Variants in LRRC4C observed in about 807,000 individuals in gnomAD.
The protein encoded by LRRC4C is leucine rich repeat containing 4C, also known as leucine-rich repeat-containing protein 4C.
A neutral mutation model predicts 33.6 loss-of-function variants in LRRC4C; 5 were observed. The ratio of observed to expected loss-of-function variants is 0.15; its 90% CI spans 0.08 to 0.31. LRRC4C has a LOEUF of 0.31. Among genes scored for constraint, LRRC4C ranks in the 10% least tolerant of loss-of-function variants. The pLI is 1.00. For missense variants in LRRC4C, 560 were observed against 796.7 expected (o/e 0.70, Z 3.58); for synonymous variants, 329 against 302.0 (o/e 1.09, Z -0.93).
At chr11:40,491,431 G>T (rs923186362) in intron 3 of LRRC4C, among the ~76,000 whole-genome samples, 1 of 152,158 alleles carries the variant, frequency 6.6e-6, no homozygotes, top group Non-Finnish European at 1.5e-5. Context: ...ACCTTAGTCT[G>T]CTCAGGCACT....
chr11:40,767,606 A>G (rs1432880084), intron 2 of LRRC4C, among the ~76,000 whole-genome samples: 2 of 152,132 alleles, frequency 1.3e-5, no homozygotes, highest in African/African-American at 2.4e-5. Flanking sequence ...TCAGAAAAAA[A>G]TGAAATCATA....
intron 2 of LRRC4C, among the ~76,000 whole-genome samples, chr11:40,706,123 G>A (rs971415887): frequency 6.6e-6 from 1 of 151,984 alleles, no homozygotes; most frequent in Non-Finnish European, 1.5e-5. Context: ...TTTGTCAGAT[G>A]GGTAGATTGC....
At position 41,077,251 on chromosome 11, in the gene LRRC4C, A is replaced by G. The variant is rs191842420; in HGVS notation, c.-495-143528T>C. ...CCTTTTTCTCACAGCTCCAGTAGGC[A>G]GTGCCTTAGTGGAGACTCTGTGTGG... On this transcript the variant is annotated intron_variant, in intron 1 of 6. Coordinates refer to ENST00000528697, the MANE Select transcript of LRRC4C (RefSeq NM_001258419.2). Among the ~76,000 whole-genome samples the G allele has an allele frequency of 2.6e-3, 403 of 152,294 alleles. 2 individuals carry two copies. The highest frequency in any genetic ancestry group is 5.8e-3 in the South Asian group (28 of 4,826).
At chr11:40,608,279 T>C (rs548184306) in intron 3 of LRRC4C, among the ~76,000 whole-genome samples, 2 of 152,248 alleles carry the variant, frequency 1.3e-5, no homozygotes, top group South Asian at 2.1e-4. Context: ...AGAGTGCTTT[T>C]ATGTAATTGA....
intron 2 of LRRC4C, among the ~76,000 whole-genome samples, chr11:40,735,959 T>C (rs1223002511): frequency 1.3e-5 from 2 of 151,916 alleles, no homozygotes; most frequent in African/African-American, 2.4e-5. Context: ...AATGTCTTCT[T>C]TTGAGAAGTG....
At chr11:41,081,813 G>A (rs952728604) in intron 1 of LRRC4C, among the ~76,000 whole-genome samples, 2 of 152,056 alleles carry the variant, frequency 1.3e-5, no homozygotes, top group African/African-American at 2.4e-5. Flanking sequence ...TAAGACAGAC[G>A]AAAGTAGCCT....
At chr11:40,341,039 A>T (rs1946843034) in intron 3 of LRRC4C, among the ~76,000 whole-genome samples, 2 of 152,168 alleles carry the variant, frequency 1.3e-5, no homozygotes, top group South Asian at 4.1e-4. Context: ...CCAAGGCTCT[A>T]TTGAAAGTTT....
intron 1 of LRRC4C, among the ~76,000 whole-genome samples, chr11:41,297,153 A>G (rs1213430294): frequency 2.0e-5 from 3 of 152,074 alleles, no homozygotes; most frequent in Non-Finnish European, 4.4e-5. Flanking sequence ...TGTGGTTTTT[A>G]TTTTTCATTC....
intron 3 of LRRC4C, among the ~76,000 whole-genome samples, chr11:40,494,568 A>G (rs1954329874): frequency 6.6e-6 from 1 of 152,286 alleles, no homozygotes; most frequent in South Asian, 2.1e-4. Flanking sequence ...TGTTTTACAT[A>G]TGACATAAAT....
At chr11:40,312,651 T>A (rs1221868701) in intron 4 of LRRC4C, among the ~76,000 whole-genome samples, 3 of 152,154 alleles carry the variant, frequency 2.0e-5, no homozygotes, top group African/African-American at 7.2e-5. Flanking sequence ...TTCAAGGGAA[T>A]CCAGAGCTAT....
chr11:40,211,801 C>G (rs1863624348), intron 5 of LRRC4C, among the ~76,000 whole-genome samples: 1 of 152,148 alleles, frequency 6.6e-6, no homozygotes, highest in African/African-American at 2.4e-5. Flanking sequence ...TGTGATTTCT[C>G]CATTTTTCCT....
intron 3 of LRRC4C, among the ~76,000 whole-genome samples, chr11:40,405,141 C>CT (rs534979546): frequency 0.028 from 4,073 of 145,490 alleles, 165 homozygotes; most frequent in African/African-American, 0.093. Context: ...TATATTTGAA[C>CT]TTTTTTTTTT....
rs950598481 is a variant in LRRC4C, at chr11:41,100,559, A to G, written c.-495-166836T>C. ...TTCCAGCCTGGGCAACAAGAAAGAA[A>G]GTCCATCTCAAAATAATAATAATAA... On this transcript the variant is annotated intron_variant, in intron 1 of 6. Transcript: ENST00000528697. Among the ~76,000 whole-genome samples, 4 of 152,000 alleles carry G rather than the reference A, an allele frequency of 2.6e-5. No homozygotes were observed. In the South Asian group the frequency reaches 8.3e-4, roughly 32 times the overall value.
chr11:40,347,540 G>A (rs1429793292), intron 3 of LRRC4C, among the ~76,000 whole-genome samples: 1 of 152,022 alleles, frequency 6.6e-6, no homozygotes, highest in Non-Finnish European at 1.5e-5. Context: ...TCCTTACTAA[G>A]CTTAGTCATT....
chr11:41,118,816 T>A (rs1224525963), intron 1 of LRRC4C, among the ~76,000 whole-genome samples: 1 of 152,180 alleles, frequency 6.6e-6, no homozygotes, highest in South Asian at 2.1e-4. Context: ...GTGGAACTTA[T>A]CACTCATTAT....
intron 5 of LRRC4C, among the ~76,000 whole-genome samples, chr11:40,164,214 T>G (rs758517865): frequency 6.6e-6 from 1 of 152,190 alleles, no homozygotes; most frequent in African/African-American, 2.4e-5. Flanking sequence ...GAATGTCCAG[T>G]AGATGCTGTT....
intron 3 of LRRC4C, among the ~76,000 whole-genome samples, chr11:40,502,686 T>C (rs755842732): frequency 6.6e-6 from 1 of 152,114 alleles, no homozygotes; most frequent in Non-Finnish European, 1.5e-5. Context: ...GAGATTTGGT[T>C]GGGGACACAG....
At chr11:40,417,339 A>G (rs1044448520) in intron 3 of LRRC4C, among the ~76,000 whole-genome samples, 3 of 151,254 alleles carry the variant, frequency 2.0e-5, no homozygotes, top group African/African-American at 7.3e-5. Context: ...TTATTTATTT[A>G]TTTCTTTTCT....
At chr11:41,139,358 T>C (rs1943405243) in intron 1 of LRRC4C, among the ~76,000 whole-genome samples, 3 of 152,202 alleles carry the variant, frequency 2.0e-5, no homozygotes, top group South Asian at 4.1e-4. Context: ...CCAAAGCATG[T>C]CATTTGATCT....
Sources: gnomAD v4.1 joint callset for allele counts (sites outside exome capture counted in the v4.1 genomes callset) on GRCh38, gnomAD v4.1.1 for gene constraint, MANE v1.5 for transcripts, NCBI Gene and HGNC (gene_info 2026-07-23, HGNC 2026-07-21) for gene names.